Variants in RARB observed in about 807,000 individuals in gnomAD.
RARB encodes retinoic acid receptor beta.
Under a neutral mutation model 51.9 loss-of-function variants are expected in RARB, and 17 were observed. That is an observed-to-expected ratio of 0.33 (90% CI 0.22 to 0.49). The LOEUF (loss-of-function observed/expected upper bound fraction) is 0.49. Ranked by LOEUF, RARB falls within the 20% of genes least tolerant of loss-of-function variation. The probability of loss-of-function intolerance (pLI) is 0.99; values close to 1 mark genes in which losing one functional copy is unlikely to be tolerated. For missense variants in RARB, 369 were observed against 550.8 expected (o/e 0.67, Z 3.30); for synonymous variants, 215 against 195.4 (o/e 1.10, Z -0.84).
intron 2 of RARB, among the ~76,000 whole-genome samples, chr3:25,052,648 T>G (rs1698355160): frequency 6.6e-6 from 1 of 152,152 alleles, no homozygotes; most frequent in African/African-American, 2.4e-5. Flanking sequence ...AGATTATAAT[T>G]GAAAGTATTT....
chr3:25,220,674 C>T (rs1159443328), intron 5 of RARB, among the ~76,000 whole-genome samples: 3 of 152,170 alleles, frequency 2.0e-5, no homozygotes, highest in Non-Finnish European at 4.4e-5. Flanking sequence ...ATGCCTGCCT[C>T]CCCTTTGCCT....
Position 25,453,243 on chromosome 3 carries a change from C to CTTTT in RARB, c.158-7930_158-7927dup, listed in dbSNP as rs758275411. On this transcript the variant is annotated intron_variant, in intron 1 of 7. Transcript: ENST00000330688. ...TTTCTGGGGTGGGGCCAAGATTCTG[C>CTTTT]TTTTTTTTTTTTTTTTTTTTTTTGA... Among the ~76,000 whole-genome samples the CTTTT allele has an allele frequency of 8.5e-5, 7 of 81,984 alleles. 1 individual carries two copies. Among genetic ancestry groups the CTTTT allele is most frequent in the African/African-American group, 2.8e-4 (5 of 18,068 alleles). 53.8% of individuals were successfully genotyped at this position (81,984 alleles called of 152,430 possible).
intron 2 of RARB, among the ~76,000 whole-genome samples, chr3:25,464,214 C>T (rs1243309747): frequency 2.0e-5 from 3 of 152,160 alleles, no homozygotes; most frequent in Non-Finnish European, 2.9e-5. Flanking sequence ...CATTATCCAA[C>T]GTGTCTCTGT....
intron 5 of RARB, among the ~76,000 whole-genome samples, chr3:25,379,815 CTT>C: frequency 6.6e-6 from 1 of 152,154 alleles, no homozygotes; most frequent in African/African-American, 2.4e-5. Flanking sequence ...AAGACTTTTT[CTT>C]TCTTAGTGGC....
intron 3 of RARB, among the ~76,000 whole-genome samples, chr3:25,070,526 A>G (rs1294722046): frequency 7.0e-5 from 6 of 86,088 alleles, no homozygotes; most frequent in Non-Finnish European, 1.7e-4. Flanking sequence ...AATAATCAAA[A>G]TAAGACCCCC....
intron 3 of RARB, among the ~76,000 whole-genome samples, chr3:25,533,876 A>G (rs537662632): frequency 7.2e-5 from 11 of 152,346 alleles, no homozygotes; most frequent in South Asian, 4.1e-4. Flanking sequence ...TAACACTTCA[A>G]TGCTTTGAAT....
At chr3:25,171,991 T>C (rs555288628) in intron 4 of RARB, among the ~76,000 whole-genome samples, 2 of 152,152 alleles carry the variant, frequency 1.3e-5, no homozygotes, top group South Asian at 4.1e-4. Context: ...GAGAAACAAG[T>C]TGTAGTTTGA....
At chr3:25,206,337 T>C (rs1701545472) in intron 5 of RARB, among the ~76,000 whole-genome samples, 2 of 152,206 alleles carry the variant, frequency 1.3e-5, no homozygotes, top group South Asian at 2.1e-4. Flanking sequence ...AAAGAGGAAA[T>C]CTCGAATGTT....
intron 3 of RARB, among the ~76,000 whole-genome samples, chr3:25,128,454 T>TTCTAGTATACTATATACTAGAAATATA (rs949482141): frequency 2.5e-4 from 37 of 148,664 alleles, no homozygotes; most frequent in African/African-American, 8.3e-4. Flanking sequence ...ATTTATATAT[T>TTCTAGTATACTATATACTAGAAATATA]TCTAGTATAC....
At chr3:25,315,780 ATT>A (rs60374066) in intron 5 of RARB, among the ~76,000 whole-genome samples, 9 of 148,966 alleles carry the variant, frequency 6.0e-5, no homozygotes, top group Admixed American at 1.3e-4. Flanking sequence ...CACTCAGCTA[ATT>A]TTTTTTTTTT....
chr3:25,344,393 G>A (rs542999350), intron 5 of RARB, among the ~76,000 whole-genome samples: 1 of 152,158 alleles, frequency 6.6e-6, no homozygotes, highest in Admixed American at 6.5e-5. Context: ...TTATGTCTGA[G>A]AGATTGGTAA....
At chr3:25,453,506 G>A (rs1339940607) in intron 1 of RARB, among the ~76,000 whole-genome samples, 1 of 152,040 alleles carries the variant, frequency 6.6e-6, no homozygotes, top group African/African-American at 2.4e-5. Context: ...CTTGGATTAA[G>A]TGCTGGGATT....
chr3:25,566,202 A>G (rs1700487521), intron 3 of RARB, among the ~76,000 whole-genome samples: 1 of 152,122 alleles, frequency 6.6e-6, no homozygotes, highest in African/African-American at 2.4e-5. Flanking sequence ...GTTTAAAACC[A>G]TTGAGGGAAG....
intron 2 of RARB, among the ~76,000 whole-genome samples, chr3:25,475,410 G>A (rs1030800264): frequency 3.3e-5 from 5 of 151,902 alleles, no homozygotes; most frequent in South Asian, 4.2e-4. Flanking sequence ...AAGGGGGGGG[G>A]ATCCCCTGCA....
At chr3:24,943,767 G>A (rs866131759) in intron 2 of RARB, among the ~76,000 whole-genome samples, 3 of 152,318 alleles carry the variant, frequency 2.0e-5, no homozygotes, top group South Asian at 4.1e-4. Flanking sequence ...AATAAGCAGA[G>A]TGGAATGACA....
At chr3:24,911,046 T>C (rs1694980164) in intron 2 of RARB, among the ~76,000 whole-genome samples, 2 of 152,250 alleles carry the variant, frequency 1.3e-5, no homozygotes, top group Non-Finnish European at 2.9e-5. Flanking sequence ...ATAAATGTTA[T>C]GACTTCATAT....
intron 2 of RARB, among the ~76,000 whole-genome samples, chr3:24,928,809 T>A (rs1695378306): frequency 1.3e-5 from 2 of 152,076 alleles, no homozygotes; most frequent in African/African-American, 4.8e-5. Flanking sequence ...CTCTCTTGTT[T>A]CATGGATTAT....
In RARB at chr3:25,165,395, C is replaced by T. The variant is rs73145379; in HGVS notation, c.-279-8724C>T. ...TCTAGGTGTCTTAGGCATTCAAAAC[C>T]AATCAGCAGTAAGACTCTGATAGGA... On this transcript the variant is annotated intron_variant, in intron 4 of 11. Transcript: ENST00000383772. Among the ~76,000 whole-genome samples the T allele has an allele frequency of 4.5e-3, 692 of 152,188 alleles. 7 individuals are homozygous for T. Among genetic ancestry groups the T allele is most frequent in the African/African-American group, 0.016 (650 of 41,524 alleles).
intron 3 of RARB, among the ~76,000 whole-genome samples, chr3:25,526,215 C>T (rs1456809912): frequency 2.0e-5 from 3 of 151,986 alleles, no homozygotes; most frequent in African/African-American, 7.3e-5. Flanking sequence ...CTTCTGGGAA[C>T]CCAAATGAAA....
Sources: allele counts gnomAD v4.1 joint callset (sites outside exome capture counted in the v4.1 genomes callset), GRCh38; gene constraint gnomAD v4.1.1; transcripts MANE v1.5; gene names NCBI Gene and HGNC (gene_info 2026-07-23, HGNC 2026-07-21).